GPC5: variants seen among roughly 807,000 people sequenced by gnomAD.
GPC5 encodes the protein glypican-5.
GPC5 carries 47 observed loss-of-function variants against 53.9 expected under a neutral mutation model. The ratio of observed to expected loss-of-function variants is 0.87; its 90% CI spans 0.69 to 1.11. The LOEUF is 1.11. GPC5 is among the 50% of genes most tolerant of loss of function. GPC5 has a pLI of 0.00. For synonymous variants in GPC5, 286 were observed against 263.3 expected, an observed-to-expected ratio of 1.09 and a Z score of -0.84; for missense variants, 748 against 713.1, an observed-to-expected ratio of 1.05 and a Z score of -0.56.
At chr13:92,700,986 A>T (rs1468196161) in intron 7 of GPC5, among the ~76,000 whole-genome samples, 3 of 152,088 alleles carry the variant, frequency 2.0e-5, no homozygotes, top group Non-Finnish European at 4.4e-5. Context: ...TGAAATTCAC[A>T]TGATAGACTG....
intron 2 of GPC5, among the ~76,000 whole-genome samples, chr13:91,598,637 A>T (rs558014671): frequency 3.9e-5 from 6 of 152,130 alleles, no homozygotes; most frequent in Non-Finnish European, 8.8e-5. Flanking sequence ...TTCATATTAA[A>T]TATATTTTTC....
rs886240023 is a variant in GPC5 at position 92,099,854 on chromosome 13, G to A, written c.1402-44976G>A. Among the ~76,000 whole-genome samples, 10 of 152,286 alleles carry A rather than the reference G, an allele frequency of 6.6e-5. No homozygotes were observed. The East Asian group carries it at 1.9e-3, about 29-fold the overall frequency. ...AAAGGGATATTGTAGGTGTGATTAA[G>A]ATCCCAATTCAGCTTAGCTGGAGTT... On this transcript the variant is annotated intron_variant, in intron 6 of 7. Coordinates refer to ENST00000377067, the MANE Select transcript of GPC5 (RefSeq NM_004466.6).
intron 7 of GPC5, among the ~76,000 whole-genome samples, chr13:92,701,997 A>G (rs1270434793): frequency 6.6e-6 from 1 of 151,882 alleles, no homozygotes; most frequent in African/African-American, 2.4e-5. Flanking sequence ...CTGTCATTTC[A>G]AAGATGTAGG....
chr13:91,720,760 T>A (rs1232701393), intron 3 of GPC5, among the ~76,000 whole-genome samples: 1 of 152,186 alleles, frequency 6.6e-6, no homozygotes, highest in Admixed American at 6.5e-5. Flanking sequence ...GTCTTCTCTA[T>A]CTCATTTAAT....
intron 6 of GPC5, among the ~76,000 whole-genome samples, chr13:91,941,473 G>A (rs1187800403): frequency 6.6e-6 from 1 of 151,918 alleles, no homozygotes; most frequent in East Asian, 1.9e-4. Context: ...CTTATTAAAT[G>A]TTCCTGGGGA....
intron 7 of GPC5, among the ~76,000 whole-genome samples, chr13:92,233,648 T>C (rs1039872403): frequency 2.6e-5 from 4 of 152,158 alleles, no homozygotes; most frequent in African/African-American, 7.2e-5. Flanking sequence ...ATGCTGGATG[T>C]TACTTTTTAT....
chr13:91,770,698 G>A (rs1047224313), intron 5 of GPC5, among the ~76,000 whole-genome samples: 7 of 129,946 alleles, frequency 5.4e-5, no homozygotes, highest in African/African-American at 2.2e-4. Context: ...TGGGGAGACT[G>A]TGTGTTTGTG....
At chr13:91,492,994 AT>A (rs34536769) in intron 2 of GPC5, among the ~76,000 whole-genome samples, 67,396 of 151,938 alleles carry the variant, frequency 0.44, 15,850 homozygotes, top group Non-Finnish European at 0.53. Flanking sequence ...GACCTCATTG[AT>A]TCCTACCATC....
At chr13:91,490,041 A>G (rs1026895149) in intron 2 of GPC5, among the ~76,000 whole-genome samples, 1 of 152,218 alleles carries the variant, frequency 6.6e-6, no homozygotes, top group Non-Finnish European at 1.5e-5. Context: ...CTGTATATTT[A>G]GTTAAATGCC....
chr13:92,037,125 TTCTG>T (rs1228495463), intron 6 of GPC5, among the ~76,000 whole-genome samples: 1 of 152,168 alleles, frequency 6.6e-6, no homozygotes, highest in Non-Finnish European at 1.5e-5. Flanking sequence ...GACTTTTATA[TTCTG>T]TCTATTGCCT....
At chr13:91,492,866 C>T (rs1884016018) in intron 2 of GPC5, among the ~76,000 whole-genome samples, 2 of 152,092 alleles carry the variant, frequency 1.3e-5, no homozygotes, top group Admixed American at 6.6e-5. Context: ...CCTTGTTTCT[C>T]ATTATTAGAA....
chr13:92,159,897 C>T (rs370668188), intron 7 of GPC5, among the ~76,000 whole-genome samples: 3 of 148,834 alleles, frequency 2.0e-5, no homozygotes, highest in South Asian at 2.2e-4. Flanking sequence ...CCACCGAGCC[C>T]GGTCCCAATG....
intron 2 of GPC5, among the ~76,000 whole-genome samples, chr13:91,555,461 C>T (rs939025164): frequency 0.012 from 45 of 3,638 alleles, no homozygotes; most frequent in Admixed American, 0.021. Context: ...AGGATGTTTT[C>T]TGGGGGCGAG....
intron 7 of GPC5, among the ~76,000 whole-genome samples, chr13:92,573,621 T>C (rs1205828526): frequency 6.6e-6 from 1 of 152,132 alleles, no homozygotes; most frequent in Non-Finnish European, 1.5e-5. Context: ...GAGGGCGATA[T>C]AGTGACATTA....
chr13:92,783,743 C>T (rs573078349), intron 7 of GPC5, among the ~76,000 whole-genome samples: 56 of 152,120 alleles, frequency 3.7e-4, no homozygotes, highest in African/African-American at 1.3e-3. Flanking sequence ...GTCTATTTTC[C>T]TACTGTGACT....
chr13:92,735,880 A>C (rs1332280377), intron 7 of GPC5, among the ~76,000 whole-genome samples: 1 of 152,012 alleles, frequency 6.6e-6, no homozygotes, highest in Non-Finnish European at 1.5e-5. Flanking sequence ...ATTAACTAGG[A>C]TGTAAAGAGG....
chr13:91,502,349 G>GGT (rs1373080601), intron 2 of GPC5, among the ~76,000 whole-genome samples: 1 of 151,726 alleles, frequency 6.6e-6, no homozygotes, highest in Non-Finnish European at 1.5e-5. Flanking sequence ...GTATTGCCTA[G>GGT]GTTTTCTTCT....
chr13:91,947,977 A>G (rs2039989144), intron 6 of GPC5, among the ~76,000 whole-genome samples: 1 of 152,208 alleles, frequency 6.6e-6, no homozygotes, highest in Admixed American at 6.5e-5. Context: ...TCAAGTCTAC[A>G]TTTTAATACT....
intron 7 of GPC5, among the ~76,000 whole-genome samples, chr13:92,626,279 A>G (rs1388290504): frequency 6.6e-6 from 1 of 152,154 alleles, no homozygotes; most frequent in African/African-American, 2.4e-5. Flanking sequence ...TTCCTCAGGA[A>G]CCCAAACAGA....
Sources: allele counts gnomAD v4.1 joint callset (sites outside exome capture counted in the v4.1 genomes callset), GRCh38; gene constraint gnomAD v4.1.1; transcripts MANE v1.5; gene names NCBI Gene and HGNC (gene_info 2026-07-23, HGNC 2026-07-21).